The following PDE2A variants were observed in gnomAD, a reference collection of about 807,000 sequenced individuals.
PDE2A encodes the protein cGMP-dependent 3',5'-cyclic phosphodiesterase.
A neutral mutation model predicts 133.6 loss-of-function variants in PDE2A; 53 were observed. The ratio of observed to expected loss-of-function variants is 0.40; its 90% CI spans 0.32 to 0.50. The LOEUF (loss-of-function observed/expected upper bound fraction) is 0.50. Among genes scored for constraint, PDE2A ranks in the 20% least tolerant of loss-of-function variants. PDE2A has a pLI of 0.73. For missense variants in PDE2A, 796 were observed against 1,232.4 expected (o/e 0.65, Z 5.30); for synonymous variants, 491 against 490.2 (o/e 1.00, Z -0.02).
At chr11:72,673,923 T>C (rs1855442513) in intron 1 of PDE2A, among the ~76,000 whole-genome samples, 1 of 152,082 alleles carries the variant, frequency 6.6e-6, no homozygotes, top group African/African-American at 2.4e-5. Flanking sequence ...ACCTACTAGG[T>C]TGACGTTAGA....
chr11:72,657,745 C>T, intron 1 of PDE2A: 1 of 452,516 alleles, frequency 2.2e-6, no homozygotes, highest in Non-Finnish European at 4.4e-6. Flanking sequence ...GGGGGAGGAG[C>T]AGGGATTGAA....
intron 2 of PDE2A, among the ~76,000 whole-genome samples, chr11:72,617,613 G>A (rs964204092): frequency 2.0e-5 from 3 of 152,222 alleles, no homozygotes; most frequent in African/African-American, 7.2e-5. Context: ...AACCCCAGGG[G>A]GAGGGGGAAA....
intron 2 of PDE2A, among the ~76,000 whole-genome samples, chr11:72,639,802 G>A (rs72962134): frequency 1.8e-4 from 27 of 152,134 alleles, no homozygotes; most frequent in African/African-American, 6.0e-4. Context: ...GGGTTGGGGG[G>A]GCATGGAGAA....
intron 2 of PDE2A, among the ~76,000 whole-genome samples, chr11:72,623,927 T>G (rs1857913267): frequency 6.6e-6 from 1 of 150,940 alleles, no homozygotes; most frequent in Admixed American, 6.6e-5. Context: ...CCCTAACTTA[T>G]CTCCCCTCCC....
intron 12 of PDE2A, 105 bp downstream of exon 12, chr11:72,589,070 C>G (rs969492146): frequency 2.3e-5 from 29 of 1,240,034 alleles, no homozygotes; most frequent in Non-Finnish European, 3.3e-5. Flanking sequence ...GTCCCCAGGT[C>G]TTATCTGCCC....
intron 2 of PDE2A, among the ~76,000 whole-genome samples, chr11:72,640,523 C>T (rs1858908831): frequency 6.6e-6 from 1 of 152,160 alleles, no homozygotes; most frequent in Non-Finnish European, 1.5e-5. Flanking sequence ...AGCCACCACA[C>T]AGACACATGA....
At position 72,586,190 on chromosome 11, in the gene PDE2A, G is replaced by T. The variant is rs1256216973; in HGVS notation, c.1071-9C>A. On this transcript the variant is annotated splice_polypyrimidine_tract_variant and intron_variant, in intron 13 of 30. Transcript: ENST00000334456. ...CGTCCTCGTCGGTGAACCTGGAGGA[G>T]GGGGTGGGCTCACTCAGGAGGGAAG... is the stretch of plus-strand genomic sequence containing the variant. The T allele has an allele frequency of 2.6e-6, 4 of 1,541,078 alleles. No homozygotes were observed. The Admixed American group carries it at 5.1e-5, about 20-fold the overall frequency.
At chr11:72,648,420 T>C (rs1055616894) in intron 1 of PDE2A, among the ~76,000 whole-genome samples, 1 of 152,122 alleles carries the variant, frequency 6.6e-6, no homozygotes, top group Non-Finnish European at 1.5e-5. Flanking sequence ...ACAATGTGAA[T>C]TTCAGCTCCT....
chr11:72,658,061 C>T, intron 1 of PDE2A: 1 of 456,222 alleles, frequency 2.2e-6, no homozygotes, highest in Non-Finnish European at 4.4e-6. Context: ...CTCATTTAAT[C>T]CTCCCAGAAA....
At chr11:72,583,719 C>A (rs1855826859) in intron 19 of PDE2A, among the ~76,000 whole-genome samples, 1 of 152,094 alleles carries the variant, frequency 6.6e-6, no homozygotes, top group African/African-American at 2.4e-5. Flanking sequence ...TCATCAAGTT[C>A]TCCCAGCATT....
At chr11:72,583,159 A>G (rs1282610948) in intron 20 of PDE2A, among the ~76,000 whole-genome samples, 1 of 152,202 alleles carries the variant, frequency 6.6e-6, no homozygotes, top group Non-Finnish European at 1.5e-5. Context: ...GTAATTCCCA[A>G]GATGGGAATT....
chr11:72,582,094 C>T (rs893474775), intron 21 of PDE2A, 147 bp from the exon 22 acceptor site: 10 of 672,254 alleles, frequency 1.5e-5, no homozygotes, highest in Admixed American at 7.5e-5. Context: ...TTGAAGCAAC[C>T]GTTCTCGGAG....
At chr11:72,585,114 GTTTTTTTT>G in intron 16 of PDE2A, 170 bp from the exon 17 acceptor site, 1 of 593,898 alleles carries the variant, frequency 1.7e-6, no homozygotes, top group Non-Finnish European at 2.9e-6. Context: ...CAAGTGTTTT[GTTTTTTTT>G]TTTTTTTGGA....
intron 1 of PDE2A, among the ~76,000 whole-genome samples, chr11:72,663,357 C>G (rs1855130244): frequency 6.6e-6 from 1 of 152,190 alleles, no homozygotes; most frequent in Non-Finnish European, 1.5e-5. Flanking sequence ...GCGGTGATCA[C>G]GGCAGGAAGC....
At chr11:72,649,897 C>T (rs915650005) in intron 1 of PDE2A, among the ~76,000 whole-genome samples, 1 of 152,108 alleles carries the variant, frequency 6.6e-6, no homozygotes. Flanking sequence ...ACAACCTTTC[C>T]AGCTTTGGGC....
At chr11:72,620,280 C>T (rs1379012481) in intron 2 of PDE2A, among the ~76,000 whole-genome samples, 4 of 152,160 alleles carry the variant, frequency 2.6e-5, no homozygotes, top group Admixed American at 2.6e-4. Context: ...TTCCCTGGGG[C>T]CCTGTGCTCT....
At chr11:72,621,138 G>A (rs1164849665) in intron 2 of PDE2A, among the ~76,000 whole-genome samples, 1 of 152,258 alleles carries the variant, frequency 6.6e-6, no homozygotes, top group East Asian at 1.9e-4. Context: ...TCAGAGCCTA[G>A]ACAGGGCTGT....
intron 3 of PDE2A, among the ~76,000 whole-genome samples, chr11:72,608,143 G>A (rs183308118): frequency 2.6e-5 from 4 of 152,204 alleles, no homozygotes; most frequent in Admixed American, 1.3e-4. Context: ...ATTGGGATGG[G>A]ACAGAAAGAA....
chr11:72,674,087 T>C (rs1391087006), intron 1 of PDE2A, 50 bp downstream of exon 1: 1 of 1,574,174 alleles, frequency 6.4e-7, no homozygotes, highest in Non-Finnish European at 8.7e-7. Context: ...GGACCCTGTC[T>C]GTGGCACCTC....
Sources: allele counts gnomAD v4.1 joint callset (sites outside exome capture counted in the v4.1 genomes callset), GRCh38; gene constraint gnomAD v4.1.1; transcripts MANE v1.5; gene names NCBI Gene and HGNC (gene_info 2026-07-23, HGNC 2026-07-21).